SCEL: variants seen among roughly 807,000 people sequenced by gnomAD.
The protein encoded by SCEL is sciellin.
Under a neutral mutation model 117.6 loss-of-function variants are expected in SCEL, and 113 were observed. The ratio of observed to expected loss-of-function variants is 0.96; its 90% CI spans 0.83 to 1.12. SCEL has a LOEUF of 1.12. Among genes scored for constraint, SCEL ranks in the 50% most tolerant of loss-of-function variants. SCEL has a pLI of 0.00. For missense variants in SCEL, 785 were observed against 810.8 expected (o/e 0.97, Z 0.39); for synonymous variants, 270 against 256.2 (o/e 1.05, Z -0.51).
At chr13:77,570,056 C>T (rs1305482728) in intron 8 of SCEL, among the ~76,000 whole-genome samples, 1 of 152,086 alleles carries the variant, frequency 6.6e-6, no homozygotes, top group African/African-American at 2.4e-5. Flanking sequence ...TTGAAAAAAC[C>T]CCAGGGCTAT....
chr13:77,628,170 G>GTGTGTATATATA (rs10700333), intron 28 of SCEL, among the ~76,000 whole-genome samples, 161 bp downstream of exon 28: 4 of 139,740 alleles, frequency 2.9e-5, no homozygotes, highest in African/African-American at 8.0e-5. Flanking sequence ...ATATGTGTGT[G>GTGTGTATATATA]TATATATATA....
intron 1 of SCEL, among the ~76,000 whole-genome samples, chr13:77,550,303 T>C (rs2154395001): frequency 6.6e-6 from 1 of 151,568 alleles, no homozygotes; most frequent in East Asian, 1.9e-4. Flanking sequence ...CGAGAATTAC[T>C]TGAACCCAGG....
At chr13:77,576,252 G>A (rs2085935376) in intron 9 of SCEL, among the ~76,000 whole-genome samples, 1 of 152,046 alleles carries the variant, frequency 6.6e-6, no homozygotes, top group Admixed American at 6.6e-5. Context: ...ACCCTTCAAA[G>A]GGCACCACTG....
intron 4 of SCEL, among the ~76,000 whole-genome samples, chr13:77,561,390 T>G (rs995772474): frequency 1.3e-5 from 2 of 152,234 alleles, no homozygotes; most frequent in East Asian, 1.9e-4. Flanking sequence ...GGCTAAAGTA[T>G]AATATCAGTC....
At chr13:77,573,019 G>A (rs1037894717) in intron 9 of SCEL, among the ~76,000 whole-genome samples, 1 of 152,142 alleles carries the variant, frequency 6.6e-6, no homozygotes, top group Non-Finnish European at 1.5e-5. Context: ...GTTCATAAAC[G>A]TTAAGCGACA....
At chr13:77,566,476 T>G (rs1385999550) in intron 5 of SCEL, among the ~76,000 whole-genome samples, 1 of 152,136 alleles carries the variant, frequency 6.6e-6, no homozygotes, top group Admixed American at 6.6e-5. Flanking sequence ...ACCTTCCTTA[T>G]TTGTGCTTTC....
chr13:77,555,743 C>A, intron 1 of SCEL, 114 bp from the exon 2 acceptor site: 1 of 710,354 alleles, frequency 1.4e-6, no homozygotes, highest in Non-Finnish European at 2.5e-6. Flanking sequence ...TTTGTTATGA[C>A]AGATCCTGTG....
chr13:77,608,375 G>A (rs148958361), intron 20 of SCEL, among the ~76,000 whole-genome samples: 1,605 of 152,248 alleles, frequency 0.011, 31 homozygotes, highest in African/African-American at 0.036. Flanking sequence ...CAAGGTGGGC[G>A]GATTACTTGA....
At chr13:77,574,588 A>G (rs1051025669) in intron 9 of SCEL, among the ~76,000 whole-genome samples, 8 of 152,200 alleles carry the variant, frequency 5.3e-5, no homozygotes, top group African/African-American at 1.9e-4. Flanking sequence ...GAAGAGCTCA[A>G]AGTACAGCTT....
In SCEL at chr13:77,633,442, C is replaced by CAAAA. The variant is rs59939208; in HGVS notation, c.1692-916_1692-913dup. The stretch of plus-strand genomic sequence containing the variant: ...TGGGCGACAGAGCGAGACTCCGCCT[C>CAAAA]AAAAAAAAAAAAAAAAAAAAAAAAG... On this transcript the variant is annotated intron_variant, in intron 28 of 32. Transcript: ENST00000349847. Among the ~76,000 whole-genome samples the CAAAA allele has an allele frequency of 1.7e-3, 51 of 29,956 alleles. 1 individual carries two copies. Among genetic ancestry groups the CAAAA allele is most frequent in the East Asian group, 4.7e-3 (2 of 424 alleles). 19.7% of individuals were successfully genotyped at this position (29,956 alleles called of 152,430 possible). A position where few individuals can be genotyped will look rare whatever the true frequency, so the allele number is the denominator to read the frequency against.
At chr13:77,564,094 A>G (rs539566415) in intron 5 of SCEL, among the ~76,000 whole-genome samples, 195 bp downstream of exon 5, 10 of 152,088 alleles carry the variant, frequency 6.6e-5, no homozygotes, top group Non-Finnish European at 1.2e-4. Flanking sequence ...CATTTCCAAA[A>G]TCTTTTTAAT....
intron 12 of SCEL, among the ~76,000 whole-genome samples, 188 bp from the exon 13 acceptor site, chr13:77,597,353 CAGTT>C (rs1426220165): frequency 6.6e-6 from 1 of 151,872 alleles, no homozygotes; most frequent in Non-Finnish European, 1.5e-5. Flanking sequence ...GGACTCTATT[CAGTT>C]AGAGGACTAG....
intron 1 of SCEL, among the ~76,000 whole-genome samples, chr13:77,537,632 G>A (rs1418909413): frequency 6.6e-6 from 1 of 152,146 alleles, no homozygotes; most frequent in East Asian, 1.9e-4. Context: ...ATGTATGTGT[G>A]TTAGCTGTGG....
At chr13:77,608,157 C>T (rs749522048) in intron 20 of SCEL, 42 bp downstream of exon 20, 1 of 1,455,494 alleles carries the variant, frequency 6.9e-7, no homozygotes, top group East Asian at 2.3e-5. Context: ...CCTTCCCCAT[C>T]CATTTGTGGC....
rs1440046094 is a variant in SCEL, at chr13:77,559,668, T to C, written c.162-136T>C. 7.5e-6 allele frequency: 5 copies of C among 665,054 alleles called. No individual in the cohort carries two copies. In the Middle Eastern group the frequency reaches 7.5e-4, roughly 100 times the overall value. 41.2% of individuals were successfully genotyped at this position (665,054 alleles called of 1,614,324 possible). ...GACTGGTTAAAATAGATACATAATT[T>C]TGTGTTCTCACAACTGAAGTAAAAT... On this transcript the variant is annotated intron_variant, in intron 3 of 32. Transcript: ENST00000349847.
chr13:77,621,036 A>G (rs537104421), intron 27 of SCEL, among the ~76,000 whole-genome samples: 15 of 152,190 alleles, frequency 9.9e-5, no homozygotes, highest in African/African-American at 3.6e-4. Context: ...ATCACCTAAT[A>G]ATCTCAGGGA....
intron 28 of SCEL, 68 bp from the exon 29 acceptor site, chr13:77,634,311 A>C: frequency 7.9e-7 from 1 of 1,268,186 alleles, no homozygotes; most frequent in African/African-American, 1.5e-5. Context: ...TTGAATTAGA[A>C]AATAGCCTTG....
At chr13:77,634,352 C>T in intron 28 of SCEL, 27 bp from the exon 29 acceptor site, 1 of 1,590,476 alleles carries the variant, frequency 6.3e-7, no homozygotes, top group African/African-American at 1.3e-5. Context: ...AAACTTTAAT[C>T]ATGAAGTAAA....
At chr13:77,537,654 A>C (rs1298576811) in intron 1 of SCEL, among the ~76,000 whole-genome samples, 2 of 152,200 alleles carry the variant, frequency 1.3e-5, no homozygotes, top group Non-Finnish European at 2.9e-5. Context: ...CTGTACAATC[A>C]GAACACCCTT....
Sources: allele counts gnomAD v4.1 joint callset (sites outside exome capture counted in the v4.1 genomes callset), GRCh38; gene constraint gnomAD v4.1.1; transcripts MANE v1.5; gene names NCBI Gene and HGNC (gene_info 2026-07-23, HGNC 2026-07-21).